COL4A3: variants seen among roughly 807,000 people sequenced by gnomAD.
COL4A3 encodes the protein collagen alpha-3(IV) chain.
In COL4A3, 135 loss-of-function variants were observed where a neutral mutation model predicts 217.4. The ratio of observed to expected loss-of-function variants is 0.62; its 90% confidence interval spans 0.54 to 0.72. The LOEUF is 0.72. Ranked by LOEUF, COL4A3 falls within the 30% of genes least tolerant of loss-of-function variation. The probability of loss-of-function intolerance (pLI) is 0.00; values close to 1 mark genes in which losing one functional copy is unlikely to be tolerated. For missense variants in COL4A3, 1,868 were observed against 2,119.9 expected (o/e 0.88, Z 2.33); for synonymous variants, 690 against 736.3 (o/e 0.94, Z 1.02).
intron 1 of COL4A3, among the ~76,000 whole-genome samples, chr2:227,224,543 G>C (rs2067983293): frequency 6.6e-6 from 1 of 152,176 alleles, no homozygotes; most frequent in Non-Finnish European, 1.5e-5. Context: ...CTGAGGTCAG[G>C]AGTTCAAGAC....
At position 227,164,763 on chromosome 2, in the gene COL4A3, C is replaced by A; in HGVS notation, c.37C>A (p.Leu13Met). The part of the protein sequence containing the change: ...ARTAPRPQVL[L>M]LPLLLVLLAA... ...GACCGCCCCCAGGCCGCAGGTGCTC[C>A]TGCTGCCGCTCCTGCTGGTGCTCCT... is the stretch of plus-strand genomic sequence containing the variant. Residue 13 changes from leucine to methionine, a missense_variant, in exon 1 of 52, where the codon CTG (leucine) becomes ATG (methionine). Transcript: ENST00000396578. This position sits in a 1 kb window ranked among gnomAD's most constrained non-coding sequence, Gnocchi z 4.8. 1.3e-6 allele frequency: 2 copies of A among 1,523,586 alleles called. No individual in the cohort carries two copies. The highest frequency in any genetic ancestry group is 2.8e-5 in the African/African-American group (2 of 70,620). 94.4% of individuals were successfully genotyped at this position (1,523,586 alleles called of 1,614,324 possible).
chr2:227,183,456 G>A (rs1234539609), intron 1 of COL4A3, among the ~76,000 whole-genome samples: 1 of 152,162 alleles, frequency 6.6e-6, no homozygotes, highest in Non-Finnish European at 1.5e-5. Flanking sequence ...ACAAGGTGGT[G>A]GATGGAAACG....
rs2073816456 is a variant in COL4A3 at position 227,313,701 on chromosome 2, T to C, written c.*1831T>C. 1 of 152,642 alleles carries C rather than the reference T, an allele frequency of 6.6e-6. No individual in the cohort carries two copies. The highest frequency in any genetic ancestry group is 1.5e-5 in the Non-Finnish European group (1 of 68,044). The allele number at this position is 152,642 out of a possible 1,614,324, so 9.5% of individuals were successfully genotyped here. A position where few individuals can be genotyped will look rare whatever the true frequency, so the allele number is the denominator to read the frequency against. On this transcript the variant is annotated 3_prime_UTR_variant, in exon 52 of 52. Transcript: ENST00000396578. Reference sequence around the variant, plus strand: ...TGTCAAGCCATTTTTACATCTAAACTAAGATGTGCAGCATTTCACTTATTT... The same window carrying C: ...TGTCAAGCCATTTTTACATCTAAACCAAGATGTGCAGCATTTCACTTATTT...
At chr2:227,171,974 G>C (rs996209230) in intron 1 of COL4A3, among the ~76,000 whole-genome samples, 1 of 152,174 alleles carries the variant, frequency 6.6e-6, no homozygotes. Context: ...GTCCGCATGC[G>C]CAGTGGCCTG....
chr2:227,273,563 C>T (rs911333020), intron 26 of COL4A3, among the ~76,000 whole-genome samples: 11 of 152,074 alleles, frequency 7.2e-5, no homozygotes, highest in African/African-American at 2.7e-4. Context: ...GTCACCACGA[C>T]CAGCTAATAT....
chr2:227,168,695 T>A (rs1385422174), intron 1 of COL4A3, among the ~76,000 whole-genome samples: 4 of 152,094 alleles, frequency 2.6e-5, no homozygotes, highest in Admixed American at 2.0e-4. Context: ...TTTTTTTCCT[T>A]TCCTGGGATT....
At chr2:227,299,025 A>C (rs2073160035) in intron 43 of COL4A3, among the ~76,000 whole-genome samples, 1 of 152,154 alleles carries the variant, frequency 6.6e-6, no homozygotes, top group South Asian at 2.1e-4. Context: ...GAAACTTATA[A>C]TCATGGCAGA....
chr2:227,207,716 A>G (rs1199917303), intron 1 of COL4A3, among the ~76,000 whole-genome samples: 1 of 152,226 alleles, frequency 6.6e-6, no homozygotes, highest in East Asian at 1.9e-4. Flanking sequence ...AAATGTGGCC[A>G]AAAGCTCTCC....
chr2:227,177,903 A>G (rs1408159554), intron 1 of COL4A3, among the ~76,000 whole-genome samples: 1 of 152,198 alleles, frequency 6.6e-6, no homozygotes, highest in Non-Finnish European at 1.5e-5. Flanking sequence ...CAATGGTTCC[A>G]AACACAAGAC....
chr2:227,174,498 G>GATTATTATT (rs10603964), intron 1 of COL4A3, among the ~76,000 whole-genome samples: 1 of 150,450 alleles, frequency 6.6e-6, no homozygotes, highest in Non-Finnish European at 1.5e-5. Flanking sequence ...TTAGTCTAGT[G>GATTATTATT]ATTATTATTA....
intron 37 of COL4A3, among the ~76,000 whole-genome samples, chr2:227,291,285 C>A (rs1306976348): frequency 1.3e-5 from 2 of 152,094 alleles, no homozygotes. Flanking sequence ...ACTTGTCGGC[C>A]GGGCGCGGTG....
intron 1 of COL4A3, among the ~76,000 whole-genome samples, chr2:227,186,418 T>G (rs957003025): frequency 3.9e-5 from 6 of 152,184 alleles, no homozygotes; most frequent in African/African-American, 1.4e-4. Context: ...ACAAGGCCAG[T>G]GTTGACAGTG....
At chr2:227,198,206 G>A (rs1354638311) in intron 1 of COL4A3, among the ~76,000 whole-genome samples, 1 of 152,146 alleles carries the variant, frequency 6.6e-6, no homozygotes, top group East Asian at 1.9e-4. Flanking sequence ...GATAGTGGAG[G>A]CAGCTAACTT....
intron 48 of COL4A3, 26 bp downstream of exon 48, chr2:227,307,945 T>C: frequency 6.2e-7 from 1 of 1,601,086 alleles, no homozygotes; most frequent in Non-Finnish European, 8.6e-7. Context: ...CAGTTGCCAG[T>C]TGTGCTGTTC....
At chr2:227,256,243 C>T in intron 16 of COL4A3, 100 bp from the exon 17 acceptor site, 2 of 1,190,234 alleles carry the variant, frequency 1.7e-6, no homozygotes, top group South Asian at 1.2e-5. Context: ...ATCATCTGAG[C>T]ACATTCTTTT....
Position 227,311,939 on chromosome 2 carries a change from A to G in COL4A3, c.*69A>G. On this transcript the variant is annotated 3_prime_UTR_variant, in exon 52 of 52. Transcript: ENST00000396578. ...CAAAGTAATGACAGAACATGCTGTTATTTAGGTATTTTTCTTTAACCAAAC... is the reference window on the plus strand; with the variant it reads ...CAAAGTAATGACAGAACATGCTGTTGTTTAGGTATTTTTCTTTAACCAAAC... 3 of 1,593,546 alleles carry G rather than the reference A, an allele frequency of 1.9e-6. No homozygotes were observed. Among genetic ancestry groups the G allele is most frequent in the Non-Finnish European group, 2.6e-6 (3 of 1,167,992 alleles).
intron 1 of COL4A3, among the ~76,000 whole-genome samples, chr2:227,219,661 T>G (rs181033809): frequency 4.1e-4 from 62 of 152,338 alleles, no homozygotes; most frequent in African/African-American, 1.5e-3. Flanking sequence ...ATTTACATGC[T>G]TATCTCCCCA....
chr2:227,266,529 T>C lies in COL4A3; in HGVS notation c.1408+20T>C, dbSNP rs1416585063. On this transcript the variant is annotated intron_variant, in intron 22 of 51. Transcript: ENST00000396578. ...CCAAAGGTTGGTTCAATCAATAATG[T>C]TGTATTAGGATAAGCCTTTTTCATC... The C allele has an allele frequency of 3.2e-6, 5 of 1,575,002 alleles. No homozygotes were observed. Among genetic ancestry groups the C allele is most frequent in the Non-Finnish European group, 4.4e-6 (5 of 1,144,998 alleles).
intron 1 of COL4A3, among the ~76,000 whole-genome samples, chr2:227,202,820 T>C (rs1189455040): frequency 8.6e-6 from 1 of 116,756 alleles, no homozygotes; most frequent in Non-Finnish European, 1.8e-5. Context: ...TATATATACA[T>C]ATATGTGTAT....
Sources: allele counts gnomAD v4.1 joint callset (sites outside exome capture counted in the v4.1 genomes callset), GRCh38; gene constraint gnomAD v4.1.1; non-coding constraint Gnocchi (gnomAD v3.1); transcripts MANE v1.5; gene names NCBI Gene and HGNC (gene_info 2026-07-23, HGNC 2026-07-21).